CCDC6: variants seen among roughly 807,000 people sequenced by gnomAD.
The protein encoded by CCDC6 is coiled-coil domain containing 6, also known as coiled-coil domain-containing protein 6.
In CCDC6, 20 loss-of-function variants were observed where a neutral mutation model predicts 56.6. The observed-to-expected ratio is 0.35, with a 90% CI of 0.25 to 0.51. The LOEUF is 0.51. Ranked by LOEUF, CCDC6 falls within the 20% of genes least tolerant of loss-of-function variation. The pLI is 0.95. For synonymous variants in CCDC6, 241 were observed against 234.4 expected (o/e 1.03, Z -0.26); for missense variants, 367 against 601.1 (o/e 0.61, Z 4.07).
chr10:59,892,696 T>C (rs1017730269), intron 1 of CCDC6, among the ~76,000 whole-genome samples: 1 of 148,766 alleles, frequency 6.7e-6, no homozygotes, highest in African/African-American at 2.5e-5. Flanking sequence ...AACTTTCCTG[T>C]GTGTATCAAT....
intron 1 of CCDC6, among the ~76,000 whole-genome samples, chr10:59,896,272 G>A (rs2071462626): frequency 6.6e-6 from 1 of 152,142 alleles, no homozygotes; most frequent in South Asian, 2.1e-4. Flanking sequence ...AAGCAACCAT[G>A]ATCTGTGAAG....
chr10:59,853,257 G>A (rs1480921117), intron 1 of CCDC6, among the ~76,000 whole-genome samples: 5 of 152,228 alleles, frequency 3.3e-5, no homozygotes, highest in African/African-American at 1.2e-4. Flanking sequence ...TATGGGCCAG[G>A]TGCAGTGACT....
chr10:59,840,893 T>C (rs189978751), intron 2 of CCDC6, among the ~76,000 whole-genome samples: 3 of 152,356 alleles, frequency 2.0e-5, no homozygotes, highest in African/African-American at 4.8e-5. Flanking sequence ...TCTCTTGGCA[T>C]GTATTACAGA....
At chr10:59,862,564 T>TACACAC (rs1317655013) in intron 1 of CCDC6, among the ~76,000 whole-genome samples, 10,013 of 106,894 alleles carry the variant, frequency 0.094, 677 homozygotes, top group Non-Finnish European at 0.13. Context: ...CACATATATA[T>TACACAC]ACACATACAC....
Position 59,792,828 on chromosome 10 carries a change from C to T in CCDC6, c.*89G>A, listed in dbSNP as rs773003042. ...TAACCTCAGTGCAAATAAGTCATAT[C>T]CAAATATGCCAGAGAAGGAAGCCTT... On this transcript the variant is annotated 3_prime_UTR_variant, in exon 9 of 9. Transcript: ENST00000263102. The T allele has an allele frequency of 7.7e-7, 1 of 1,305,056 alleles. No homozygotes were observed. Among genetic ancestry groups the T allele is most frequent in the Non-Finnish European group, 1.1e-6 (1 of 899,228 alleles). The allele number at this position is 1,305,056 out of a possible 1,614,324, so 80.8% of individuals were successfully genotyped here.
At chr10:59,849,478 T>G (rs2071020337) in intron 2 of CCDC6, among the ~76,000 whole-genome samples, 1 of 152,222 alleles carries the variant, frequency 6.6e-6, no homozygotes, top group African/African-American at 2.4e-5. Flanking sequence ...GATACCCAAC[T>G]TGGCCATAGC....
chr10:59,878,631 T>A (rs2071305544), intron 1 of CCDC6, among the ~76,000 whole-genome samples: 1 of 152,106 alleles, frequency 6.6e-6, no homozygotes, highest in Non-Finnish European at 1.5e-5. Context: ...CACATCCCAA[T>A]CCATGTGAAA....
chr10:59,905,044 C>T (rs1192193366), intron 1 of CCDC6, among the ~76,000 whole-genome samples: 1 of 152,194 alleles, frequency 6.6e-6, no homozygotes, highest in Non-Finnish European at 1.5e-5. Flanking sequence ...ATTTATCCCC[C>T]TTGATTTCTT....
At chr10:59,821,790 C>CAAA (rs140568954) in intron 3 of CCDC6, among the ~76,000 whole-genome samples, 60 of 151,472 alleles carry the variant, frequency 4.0e-4, no homozygotes, top group African/African-American at 1.1e-3. Flanking sequence ...GAGAAATACG[C>CAAA]AAAAAAAATC....
intron 1 of CCDC6, among the ~76,000 whole-genome samples, chr10:59,854,736 A>G: frequency 6.6e-6 from 1 of 152,200 alleles, no homozygotes; most frequent in East Asian, 1.9e-4. Flanking sequence ...CGCTAGTGCC[A>G]TGGGCAGGAA....
At chr10:59,795,052 G>C (rs2070502325) in intron 7 of CCDC6, among the ~76,000 whole-genome samples, 1 of 151,276 alleles carries the variant, frequency 6.6e-6, no homozygotes, top group African/African-American at 2.4e-5. Context: ...ATTGATCTTA[G>C]CAATGATTTC....
chr10:59,814,837 C>T (rs539726061), intron 3 of CCDC6, 82 bp from the exon 4 acceptor site: 141 of 880,700 alleles, frequency 1.6e-4, no homozygotes, highest in Non-Finnish European at 2.0e-4. Context: ...CAATTAGGAC[C>T]CCTTTTCTTG....
rs191953911 is a variant in CCDC6 at position 59,826,943 on chromosome 10, A to G, written c.582+5582T>C. ...TAGAGTCACCAGGGATACAGTGTTA[A>G]GGTCAACCTTGTCTCGGCCCTCCTT... is the stretch of plus-strand genomic sequence containing the variant. On this transcript the variant is annotated intron_variant, in intron 3 of 8. Coordinates refer to ENST00000263102, the MANE Select transcript of CCDC6 (RefSeq NM_005436.5). 5.6e-4 allele frequency among the ~76,000 whole-genome samples: 86 copies of G among 152,372 alleles called. 1 individual carries two copies. The East Asian group carries it at 0.016, about 28-fold the overall frequency.
intron 1 of CCDC6, among the ~76,000 whole-genome samples, chr10:59,887,882 C>G (rs539017029): frequency 2.7e-4 from 41 of 152,230 alleles, no homozygotes; most frequent in Non-Finnish European, 5.7e-4. Context: ...GTGAGGCCAC[C>G]TCCCTGGAAA....
At chr10:59,876,914 T>C (rs988883902) in intron 1 of CCDC6, among the ~76,000 whole-genome samples, 7 of 152,168 alleles carry the variant, frequency 4.6e-5, no homozygotes, top group Non-Finnish European at 8.8e-5. Flanking sequence ...CATCAAAGTA[T>C]ACTTACATAA....
chr10:59,794,149 A>G (rs2070492839), intron 8 of CCDC6, among the ~76,000 whole-genome samples: 1 of 152,206 alleles, frequency 6.6e-6, no homozygotes, highest in Non-Finnish European at 1.5e-5. Flanking sequence ...CAGACAATAA[A>G]TATCTTTAGA....
In CCDC6 at chr10:59,789,037, G is replaced by A. The variant is rs1258714001; in HGVS notation, c.*3880C>T. On this transcript the variant is annotated 3_prime_UTR_variant, in exon 9 of 9. Transcript: ENST00000263102. ...TTTTCCTTGTTGACATCTTTCTGTTGGACAGTCCACTTTCGCTTTCCAGGC... is the reference window on the plus strand; with the variant it reads ...TTTTCCTTGTTGACATCTTTCTGTTAGACAGTCCACTTTCGCTTTCCAGGC... 2 of 223,092 alleles carry A rather than the reference G, an allele frequency of 9.0e-6. No individual in the cohort carries two copies. The highest frequency in any genetic ancestry group is 1.8e-5 in the Non-Finnish European group (2 of 111,818). The allele number at this position is 223,092 out of a possible 1,614,324, so 13.8% of individuals were successfully genotyped here.
chr10:59,841,544 G>T (rs1353092883), intron 2 of CCDC6, among the ~76,000 whole-genome samples: 2 of 152,164 alleles, frequency 1.3e-5, no homozygotes, highest in African/African-American at 2.4e-5. Flanking sequence ...ACAATAATAA[G>T]TAAATGGCAG....
intron 1 of CCDC6, among the ~76,000 whole-genome samples, chr10:59,902,931 G>A (rs2071515191): frequency 6.6e-6 from 1 of 152,180 alleles, no homozygotes; most frequent in African/African-American, 2.4e-5. Flanking sequence ...CAACCAAGAT[G>A]CCCTACAGGA....
Sources: allele counts gnomAD v4.1 joint callset (sites outside exome capture counted in the v4.1 genomes callset), GRCh38; gene constraint gnomAD v4.1.1; transcripts MANE v1.5; gene names NCBI Gene and HGNC (gene_info 2026-07-23, HGNC 2026-07-21).